Variants in B3GALT1 observed in about 807,000 individuals in gnomAD.
B3GALT1 encodes UDP-Gal:betaGlcNAc beta 1,3-galactosyltransferase, polypeptide 1.
B3GALT1 carries 10 observed loss-of-function variants against 23.2 expected under a neutral mutation model. The observed-to-expected ratio is 0.43, with a 90% confidence interval of 0.27 to 0.73. B3GALT1 has a LOEUF of 0.73. Among genes scored for constraint, B3GALT1 ranks in the 30% least tolerant of loss-of-function variants. B3GALT1 has a pLI of 0.21. For synonymous variants in B3GALT1, 156 were observed against 141.5 expected, an observed-to-expected ratio of 1.10 and a Z score of -0.73; for missense variants, 299 against 405.4, an observed-to-expected ratio of 0.74 and a Z score of 2.25.
intron 3 of B3GALT1, among the ~76,000 whole-genome samples, chr2:167,775,427 G>A (rs531709567): frequency 1.3e-5 from 2 of 151,866 alleles, no homozygotes; most frequent in Admixed American, 1.3e-4. Context: ...AAATTAGCCG[G>A]GTGTGGTGGC....
Position 167,323,154 on chromosome 2 carries a change from C to T in B3GALT1, c.-511+29820C>T, listed in dbSNP as rs532489006. On this transcript the variant is annotated intron_variant, in intron 1 of 4. Transcript: ENST00000392690. ...AATGTACTTTATATGAGAGCATAGC[C>T]GTGCAAATCAGGCAGGCAGGTAGTC... is the stretch of plus-strand genomic sequence containing the variant. Among the ~76,000 whole-genome samples the T allele has an allele frequency of 7.7e-4, 117 of 152,088 alleles. 3 individuals are homozygous for T. Among genetic ancestry groups the T allele is most frequent in the African/African-American group, 2.6e-3 (110 of 41,526 alleles).
At chr2:167,369,048 A>G (rs1357164264) in intron 1 of B3GALT1, among the ~76,000 whole-genome samples, 2 of 151,264 alleles carry the variant, frequency 1.3e-5, no homozygotes, top group African/African-American at 4.9e-5. Context: ...TATTGGGAAG[A>G]TAAAACTCTT....
At chr2:167,534,196 C>T (rs1263669488) in intron 2 of B3GALT1, among the ~76,000 whole-genome samples, 1 of 152,068 alleles carries the variant, frequency 6.6e-6, no homozygotes, top group Non-Finnish European at 1.5e-5. Context: ...CCCTTAACTC[C>T]GAAGACATTG....
intron 3 of B3GALT1, among the ~76,000 whole-genome samples, chr2:167,803,801 ACT>A (rs150199713): frequency 0.033 from 4,958 of 151,960 alleles, 117 homozygotes; most frequent in South Asian, 0.069. Flanking sequence ...ACCCATTCAC[ACT>A]CTCGTTCTGT....
At chr2:167,338,628 G>A (rs1697098159) in intron 1 of B3GALT1, among the ~76,000 whole-genome samples, 1 of 151,938 alleles carries the variant, frequency 6.6e-6, no homozygotes, top group African/African-American at 2.4e-5. Flanking sequence ...AACTATAGTT[G>A]GATTAAAACC....
In B3GALT1 at chr2:167,708,355, G is replaced by A. The variant is rs948849867; in HGVS notation, c.-352+61389G>A. ...GCATGGTTCAGTGGTTTCTTCTGGA[G>A]CAAAACACAAGAAAATGGAGTCAGG... On this transcript the variant is annotated intron_variant, in intron 3 of 4. Coordinates refer to ENST00000392690, the MANE Select transcript of B3GALT1 (RefSeq NM_020981.4). 2.0e-5 allele frequency among the ~76,000 whole-genome samples: 3 copies of A among 152,186 alleles called. No individual in the cohort carries two copies. In the South Asian group the frequency reaches 6.2e-4, roughly 32 times the overall value.
chr2:167,424,265 A>T (rs191098593), intron 1 of B3GALT1, among the ~76,000 whole-genome samples: 2 of 152,336 alleles, frequency 1.3e-5, no homozygotes, highest in East Asian at 3.9e-4. Flanking sequence ...CTAAGAAAAG[A>T]ATAAAAAGGA....
chr2:167,704,183 CAAAAA>C (rs5836157), intron 3 of B3GALT1, among the ~76,000 whole-genome samples: 1 of 112,926 alleles, frequency 8.9e-6, no homozygotes. Flanking sequence ...TCAGTCTCAA[CAAAAA>C]AAAAAAAAAA....
intron 2 of B3GALT1, among the ~76,000 whole-genome samples, chr2:167,495,095 A>G (rs1699763559): frequency 6.6e-6 from 1 of 152,202 alleles, no homozygotes; most frequent in African/African-American, 2.4e-5. Context: ...AGTAAAGTAC[A>G]GCAGAAATTC....
intron 2 of B3GALT1, among the ~76,000 whole-genome samples, chr2:167,590,301 G>C (rs1482534843): frequency 6.8e-6 from 1 of 146,784 alleles, no homozygotes; most frequent in Admixed American, 7.0e-5. Flanking sequence ...CGCTGAGATC[G>C]TGCCACTGCA....
At chr2:167,459,001 C>G (rs1031837300) in intron 1 of B3GALT1, among the ~76,000 whole-genome samples, 1 of 152,016 alleles carries the variant, frequency 6.6e-6, no homozygotes, top group Non-Finnish European at 1.5e-5. Flanking sequence ...TCTATTTGTG[C>G]CTTTGGATAT....
chr2:167,599,876 T>C (rs557156794), intron 2 of B3GALT1, among the ~76,000 whole-genome samples: 1 of 152,326 alleles, frequency 6.6e-6, no homozygotes, highest in African/African-American at 2.4e-5. Context: ...CCAGAGTATT[T>C]AACACTTGGT....
chr2:167,779,489 C>T (rs1688213354), intron 3 of B3GALT1, among the ~76,000 whole-genome samples: 1 of 152,184 alleles, frequency 6.6e-6, no homozygotes, highest in Admixed American at 6.5e-5. Context: ...AATATATCCA[C>T]AAGTCATTTC....
At chr2:167,822,726 C>T (rs1689134149) in intron 4 of B3GALT1, among the ~76,000 whole-genome samples, 1 of 152,146 alleles carries the variant, frequency 6.6e-6, no homozygotes, top group Non-Finnish European at 1.5e-5. Flanking sequence ...CTATCAAGGA[C>T]TTGCTTATTC....
chr2:167,541,056 CCTT>C (rs1683526141), intron 2 of B3GALT1, among the ~76,000 whole-genome samples: 1 of 151,930 alleles, frequency 6.6e-6, no homozygotes, highest in East Asian at 1.9e-4. Flanking sequence ...AATAATGGCT[CCTT>C]CTTACTTTTT....
At chr2:167,497,054 TA>T (rs71749338) in intron 2 of B3GALT1, among the ~76,000 whole-genome samples, 7,105 of 151,100 alleles carry the variant, frequency 0.047, 547 homozygotes, top group African/African-American at 0.16. Context: ...TAAACTATAA[TA>T]AAAAAAAAGT....
intron 2 of B3GALT1, among the ~76,000 whole-genome samples, chr2:167,611,825 C>T (rs1685072743): frequency 6.6e-6 from 1 of 151,600 alleles, no homozygotes; most frequent in South Asian, 2.1e-4. Flanking sequence ...GATGACTTTG[C>T]CTTATGAAAA....
intron 1 of B3GALT1, among the ~76,000 whole-genome samples, chr2:167,299,468 T>C (rs1696411072): frequency 6.6e-6 from 1 of 152,202 alleles, no homozygotes; most frequent in Admixed American, 6.5e-5. Flanking sequence ...TAGTTTTTAT[T>C]TTTATAAAAT....
At chr2:167,755,258 A>G (rs1253836100) in intron 3 of B3GALT1, among the ~76,000 whole-genome samples, 2 of 152,114 alleles carry the variant, frequency 1.3e-5, no homozygotes, top group Non-Finnish European at 2.9e-5. Context: ...TGCTAGAAGT[A>G]CGATGCCCTG....
Sources: gnomAD v4.1 joint callset for allele counts (sites outside exome capture counted in the v4.1 genomes callset) on GRCh38, gnomAD v4.1.1 for gene constraint, MANE v1.5 for transcripts, NCBI Gene and HGNC (gene_info 2026-07-23, HGNC 2026-07-21) for gene names.